Variants in LRRC8E observed in about 807,000 individuals in gnomAD.
LRRC8E encodes the protein volume-regulated anion channel subunit LRRC8E.
In LRRC8E, 6 loss-of-function variants were observed where a neutral mutation model predicts 6.1. The observed-to-expected ratio is 0.98, with a 90% CI of 0.54 to 1.93. The LOEUF is 1.93. LRRC8E is among the 30% of genes most tolerant of loss of function. The pLI, the probability that LRRC8E is intolerant of heterozygous loss-of-function variation, is 0.01. For synonymous variants in LRRC8E, 485 were observed against 472.8 expected (o/e 1.03, Z -0.33); for missense variants, 1,028 against 1,031.4 (o/e 1.00, Z 0.04).
At chr19:7,890,697 G>C (rs1568261640) in intron 1 of LRRC8E, among the ~76,000 whole-genome samples, 1 of 151,850 alleles carries the variant, frequency 6.6e-6, no homozygotes, top group Non-Finnish European at 1.5e-5. Context: ...GCTGAAGCAG[G>C]AGAATGGTGT....
In LRRC8E at chr19:7,901,026, G is replaced by GGC. The variant is rs1981986940; in HGVS notation, c.*115_*116dup. The GGC allele has an allele frequency of 4.6e-6, 3 of 647,038 alleles. 1 individual carries two copies. The highest frequency in any genetic ancestry group is 2.5e-6 in the Non-Finnish European group (1 of 407,808). 40.1% of individuals were successfully genotyped at this position (647,038 alleles called of 1,614,324 possible). A position where few individuals can be genotyped will look rare whatever the true frequency, so the allele number is the denominator to read the frequency against. On this transcript the variant is annotated 3_prime_UTR_variant, in exon 3 of 3. Coordinates refer to ENST00000306708, the MANE Select transcript of LRRC8E (RefSeq NM_025061.6). ...TGGGTCCAGGCCAGGAGATGGGGGG[G>GGC]GCGGGGGCAGCTGTGTCATCTTTCT...
chr19:7,898,231 A>AC (rs35117844), intron 2 of LRRC8E, among the ~76,000 whole-genome samples: 10 of 150,846 alleles, frequency 6.6e-5, no homozygotes, highest in Non-Finnish European at 1.3e-4. Context: ...AAAAAAAAAA[A>AC]CAGTGCTTAG....
intron 2 of LRRC8E, among the ~76,000 whole-genome samples, chr19:7,897,544 A>C (rs554146): frequency 0.65 from 91,337 of 140,654 alleles, 30,133 homozygotes; most frequent in Non-Finnish European, 0.7. Context: ...GTGGCGCAAT[A>C]ATAGCTCACT....
rs577011407 is a variant in LRRC8E, at chr19:7,891,524, G to GGTGTGT, written c.-6+2941_-6+2946dup. Among the ~76,000 whole-genome samples the GGTGTGT allele has an allele frequency of 5.0e-3, 634 of 125,846 alleles. 4 individuals carry two copies. Among genetic ancestry groups the GGTGTGT allele is most frequent in the African/African-American group, 0.011 (446 of 39,106 alleles). The allele number at this position is 125,846 out of a possible 152,430, so 82.6% of individuals were successfully genotyped here. On this transcript the variant is annotated intron_variant, in intron 1 of 2. Coordinates refer to ENST00000306708, the MANE Select transcript of LRRC8E (RefSeq NM_025061.6). ...AGGACAGGAAGTTGGTCCCTGCTCG[G>GGTGTGT]GTGTGTGTGTGTGTGTGTGTGTTTG...
rs778916003 is a variant in LRRC8E at position 7,899,982 on chromosome 19, A to G, written c.1460A>G (p.Lys487Arg). 3 of 1,609,568 alleles carry G rather than the reference A, an allele frequency of 1.9e-6. No homozygotes were observed. The African/African-American group carries it at 4.0e-5, about 21-fold the overall frequency. ...CAGGTCTTCCTGCGGGACCACCTGA[A>G]GGTGATGCGCGTCAAATGCGAGGAG... Reference protein sequence around the residue: ...SLQVFLRDHLKVMRVKCEELR... With the variant: ...SLQVFLRDHLRVMRVKCEELR... Residue 487 changes from lysine to arginine, a missense_variant, in exon 3 of 3, where the codon AAG becomes AGG. Lys to Arg is a conservative substitution (Grantham distance 26). Transcript: ENST00000306708.
Position 7,899,362 on chromosome 19 carries a change from C to T in LRRC8E, c.840C>T (p.Ile280=), listed in dbSNP as rs573803757. 94 of 1,614,060 alleles carry T rather than the reference C, an allele frequency of 5.8e-5. No homozygotes were observed. Among genetic ancestry groups the T allele is most frequent in the Admixed American group, 8.3e-5 (5 of 60,010 alleles). The change falls in exon 3 of 3, where the codon ATC becomes ATT. Residue 280 remains isoleucine (I), a synonymous_variant. Transcript: ENST00000306708. ...ACAACCTGGTCTATGTGGAGAAGAT[C>T]AGTTTCCTGGTGGCCTGTAGGGTGG... ...LVYNLVYVEK[I]SFLVACRVET... is the part of the protein sequence containing the mutation.
rs1981984229 is a variant in LRRC8E, at chr19:7,901,020, G to GGT, written c.*108_*109insTG. ...GCCAAGTGGGTCCAGGCCAGGAGAT[G>GGT]GGGGGGGCGGGGGCAGCTGTGTCAT... On this transcript the variant is annotated 3_prime_UTR_variant, in exon 3 of 3. Coordinates refer to ENST00000306708, the MANE Select transcript of LRRC8E (RefSeq NM_025061.6). 5 of 539,152 alleles carry GGT rather than the reference G, an allele frequency of 9.3e-6. 1 individual carries two copies. Among genetic ancestry groups the GGT allele is most frequent in the Admixed American group, 1.6e-4 (2 of 12,756 alleles). 33.4% of individuals were successfully genotyped at this position (539,152 alleles called of 1,614,324 possible). A position where few individuals can be genotyped will look rare whatever the true frequency, so the allele number is the denominator to read the frequency against.
At chr19:7,897,711 C>G (rs1278439536) in intron 2 of LRRC8E, among the ~76,000 whole-genome samples, 3 of 151,712 alleles carry the variant, frequency 2.0e-5, no homozygotes, top group African/African-American at 7.3e-5. Context: ...GTGTCTGTCT[C>G]TGTGTCTATG....
Position 7,895,497 on chromosome 19 carries a change from G to A in LRRC8E, c.-5-102G>A. Reference sequence around the variant, plus strand: ...TGGTTTGGACAAGTTTGGGCAGGGAGGGTCACAGGCCTGCCTGTGTCCGGC... The same window carrying A: ...TGGTTTGGACAAGTTTGGGCAGGGAAGGTCACAGGCCTGCCTGTGTCCGGC... On this transcript the variant is annotated intron_variant, in intron 1 of 2. Transcript: ENST00000306708. The surrounding 1 kb of genome is among the most constrained non-coding windows in gnomAD (Gnocchi z 4.7). 1.4e-6 allele frequency: 2 copies of A among 1,434,706 alleles called. No homozygotes were observed. The highest frequency in any genetic ancestry group is 1.9e-6 in the Non-Finnish European group (2 of 1,039,284). 88.9% of individuals were successfully genotyped at this position (1,434,706 alleles called of 1,614,324 possible).
At chr19:7,897,174 T>TTTC (rs1272777108) in intron 2 of LRRC8E, among the ~76,000 whole-genome samples, 1 of 145,346 alleles carries the variant, frequency 6.9e-6, no homozygotes, top group East Asian at 2.2e-4. Flanking sequence ...TTCTTTTTCT[T>TTTC]TTTCTTTTTT....
In LRRC8E at chr19:7,901,777, C is replaced by T. The variant is rs1460248291; in HGVS notation, c.*864C>T. On this transcript the variant is annotated 3_prime_UTR_variant, in exon 3 of 3. Coordinates refer to ENST00000306708, the MANE Select transcript of LRRC8E (RefSeq NM_025061.6). Reference sequence around the variant, plus strand: ...CTGATCCCTTTTGAGGTCCTAGACCCTTTGAGAAACTGATGAAGCCAGGCA... The same window carrying T: ...CTGATCCCTTTTGAGGTCCTAGACCTTTTGAGAAACTGATGAAGCCAGGCA... 1 of 151,110 alleles carries T rather than the reference C, an allele frequency of 6.6e-6. No individual in the cohort carries two copies. Among genetic ancestry groups the T allele is most frequent in the Non-Finnish European group, 1.5e-5 (1 of 68,018 alleles). The allele number at this position is 151,110 out of a possible 1,614,324, so 9.4% of individuals were successfully genotyped here. A position where few individuals can be genotyped will look rare whatever the true frequency, so the allele number is the denominator to read the frequency against.
intron 1 of LRRC8E, among the ~76,000 whole-genome samples, chr19:7,892,226 C>T (rs1981352722): frequency 6.6e-6 from 1 of 152,198 alleles, no homozygotes; most frequent in African/African-American, 2.4e-5. Flanking sequence ...GCGTCTGCCA[C>T]TATGCCCGGC....
At position 7,899,596 on chromosome 19, in the gene LRRC8E, C is replaced by T. The variant is rs1322044034; in HGVS notation, c.1074C>T (p.Asp358=). ...REETGMGDIP[D]VKNDFAFMLH... ...AGACTGGCATGGGGGACATTCCTGA[C>T]GTCAAGAATGACTTCGCCTTCATGC... Residue 358 remains aspartate, a synonymous_variant, in exon 3 of 3, where the codon GAC becomes GAT. Coordinates refer to ENST00000306708, the MANE Select transcript of LRRC8E (RefSeq NM_025061.6). 1.5e-5 allele frequency: 25 copies of T among 1,613,680 alleles called. No homozygotes were observed. The highest frequency in any genetic ancestry group is 3.3e-4 in the Middle Eastern group (2 of 6,084).
At position 7,900,319 on chromosome 19, in the gene LRRC8E, T is replaced by C. The variant is rs1254517645; in HGVS notation, c.1797T>C (p.His599=). The C allele has an allele frequency of 1.9e-6, 3 of 1,613,128 alleles. No homozygotes were observed. The Admixed American group carries it at 5.0e-5, about 27-fold the overall frequency. The change falls in exon 3 of 3, where the codon CAT becomes CAC. Residue 599 remains histidine (H), a synonymous_variant. Transcript: ENST00000306708. The surrounding 1 kb of genome is among the most constrained non-coding windows in gnomAD (Gnocchi z 5.0). ...CCTGCGGGCTGGAGCGCATCCCCCATGCAGTGTTCAGCCTGGGTGCGCTGC... is the reference window on the plus strand; with the variant it reads ...CCTGCGGGCTGGAGCGCATCCCCCACGCAGTGTTCAGCCTGGGTGCGCTGC... ...LVACGLERIP[H]AVFSLGALQE... is the part of the protein sequence containing the mutation.
chr19:7,899,613 C>T lies in LRRC8E; in HGVS notation c.1091C>T (p.Ala364Val). ...GDIPDVKNDF[A>V]FMLHLIDQYD... ...ATTCCTGACGTCAAGAATGACTTCGCCTTCATGCTGCACCTCATCGATCAG... is the reference window on the plus strand; with the variant it reads ...ATTCCTGACGTCAAGAATGACTTCGTCTTCATGCTGCACCTCATCGATCAG... The change falls in exon 3 of 3, where the codon GCC becomes GTC. Residue 364 changes from alanine (A) to valine (V), a missense_variant. Ala to Val is a moderately conservative substitution (Grantham distance 64, BLOSUM62 0). Coordinates refer to ENST00000306708, the MANE Select transcript of LRRC8E (RefSeq NM_025061.6). 5 of 1,613,810 alleles carry T rather than the reference C, an allele frequency of 3.1e-6. No homozygotes were observed. Among genetic ancestry groups the T allele is most frequent in the Non-Finnish European group, 3.4e-6 (4 of 1,180,030 alleles).
At chr19:7,898,204 CAAAAAAAAAAACCAAA>C (rs1357148407) in intron 2 of LRRC8E, among the ~76,000 whole-genome samples, 6 of 62,948 alleles carry the variant, frequency 9.5e-5, no homozygotes, top group East Asian at 5.2e-4. Context: ...ACTCTTGTCT[CAAAAAAAAAAACCAAA>C]AAAAAAAAAA....
At position 7,898,890 on chromosome 19, in the gene LRRC8E, T is replaced by G. The variant is rs1746361186; in HGVS notation, c.368T>G (p.Val123Gly). The G allele has an allele frequency of 6.2e-7, 1 of 1,614,088 alleles. No individual in the cohort carries two copies. Among genetic ancestry groups the G allele is most frequent in the African/African-American group, 1.3e-5 (1 of 74,930 alleles). The change falls in exon 3 of 3, where the codon GTC becomes GGC. Residue 123 changes from valine (V) to glycine (G), a missense_variant. Coordinates refer to ENST00000306708, the MANE Select transcript of LRRC8E (RefSeq NM_025061.6). ...WYAKYFPYLV[V>G]IHTLIFMVCT... ...GCCAAGTACTTCCCTTACCTCGTGG[T>G]CATTCACACACTCATCTTCATGGTC...
rs191560066 is a variant in LRRC8E at position 7,895,534 on chromosome 19, C to T, written c.-5-65C>T. Reference sequence around the variant, plus strand: ...TGCCTGTGTCCGGCTCCTCGGAGGACCCCCTGCAGAGCCTCCCATCCTGAG... The same window carrying T: ...TGCCTGTGTCCGGCTCCTCGGAGGATCCCCTGCAGAGCCTCCCATCCTGAG... On this transcript the variant is annotated intron_variant, in intron 1 of 2. Coordinates refer to ENST00000306708, the MANE Select transcript of LRRC8E (RefSeq NM_025061.6). The surrounding 1 kb of genome is among the most constrained non-coding windows in gnomAD (Gnocchi z 4.7). The T allele has an allele frequency of 1.5e-3, 2,352 of 1,560,150 alleles. 30 individuals are homozygous for T. The highest frequency in any genetic ancestry group is 3.2e-3 in the East Asian group (140 of 44,126).
At chr19:7,892,253 T>C (rs1190097009) in intron 1 of LRRC8E, among the ~76,000 whole-genome samples, 1 of 151,932 alleles carries the variant, frequency 6.6e-6, no homozygotes, top group East Asian at 1.9e-4. Context: ...TTTGTATTTT[T>C]AGTAGAGACG....
Sources: gnomAD v4.1 joint callset for allele counts (sites outside exome capture counted in the v4.1 genomes callset) on GRCh38, gnomAD v4.1.1 for gene constraint, Gnocchi (gnomAD v3.1) non-coding constraint, MANE v1.5 for transcripts, NCBI Gene and HGNC (gene_info 2026-07-23, HGNC 2026-07-21) for gene names.